The following TNR variants were observed in gnomAD, a reference collection of about 807,000 sequenced individuals.
TNR encodes tenascin-R.
In TNR, 45 loss-of-function variants were observed where a neutral mutation model predicts 150.4. That is an observed-to-expected ratio of 0.30 (90% CI 0.24 to 0.38). The LOEUF (loss-of-function observed/expected upper bound fraction) is 0.38. TNR is among the 10% of genes least tolerant of loss of function. The pLI, the probability that TNR is intolerant of heterozygous loss-of-function variation, is 1.00. For missense variants in TNR, 1,544 were observed against 1,759.1 expected, an observed-to-expected ratio of 0.88 and a Z score of 2.19; for synonymous variants, 687 against 678.4, an observed-to-expected ratio of 1.01 and a Z score of -0.20.
intron 2 of TNR, among the ~76,000 whole-genome samples, chr1:175,461,822 G>A (rs947661457): frequency 1.3e-5 from 2 of 152,020 alleles, no homozygotes; most frequent in Non-Finnish European, 2.9e-5. Flanking sequence ...CTGGGCCTTC[G>A]GTTTGTCCTT....
chr1:175,625,863 C>T (rs151138526), intron 1 of TNR, among the ~76,000 whole-genome samples: 102 of 152,296 alleles, frequency 6.7e-4, no homozygotes, highest in Admixed American at 1.6e-3. Context: ...TGATATCAAA[C>T]CAAACAAGGA....
At chr1:175,407,670 GAGA>G (rs1225741893) in intron 2 of TNR, among the ~76,000 whole-genome samples, 3 of 152,200 alleles carry the variant, frequency 2.0e-5, no homozygotes, top group Admixed American at 6.5e-5. Flanking sequence ...CTATTCGTCG[GAGA>G]AGAAGGTCAC....
At chr1:175,626,629 T>C (rs1664166070) in intron 1 of TNR, among the ~76,000 whole-genome samples, 1 of 152,360 alleles carries the variant, frequency 6.6e-6, no homozygotes, top group Non-Finnish European at 1.5e-5. Flanking sequence ...AAACCGTATA[T>C]GTTTTCTAAT....
intron 7 of TNR, 143 bp from the exon 8 acceptor site, chr1:175,386,444 T>C (rs1447383503): frequency 1.1e-6 from 1 of 926,836 alleles, no homozygotes; most frequent in East Asian, 2.9e-5. Flanking sequence ...ATGAGGAAAA[T>C]GAGACACAGT....
At chr1:175,349,506 A>G (rs1650957329) in intron 18 of TNR, among the ~76,000 whole-genome samples, 2 of 152,244 alleles carry the variant, frequency 1.3e-5, no homozygotes, top group African/African-American at 4.8e-5. Flanking sequence ...TATGTAACCC[A>G]ATACCGCTTA....
intron 18 of TNR, among the ~76,000 whole-genome samples, chr1:175,351,369 T>C (rs1382571311): frequency 6.6e-6 from 1 of 152,166 alleles, no homozygotes; most frequent in Non-Finnish European, 1.5e-5. Flanking sequence ...CTATGTAGCC[T>C]AGTGGAATTT....
At chr1:175,646,894 G>T (rs900891954) in intron 1 of TNR, among the ~76,000 whole-genome samples, 1 of 152,150 alleles carries the variant, frequency 6.6e-6, no homozygotes, top group East Asian at 1.9e-4. Context: ...TCACATTTTG[G>T]GATCCAATAC....
chr1:175,465,653 G>C (rs368365756), intron 2 of TNR, among the ~76,000 whole-genome samples: 2 of 152,288 alleles, frequency 1.3e-5, no homozygotes, highest in Non-Finnish European at 1.5e-5. Flanking sequence ...AAGATGGAAA[G>C]GAAAGGAGGA....
intron 1 of TNR, among the ~76,000 whole-genome samples, chr1:175,710,657 C>T (rs1033113552): frequency 6.6e-6 from 1 of 152,110 alleles, no homozygotes; most frequent in East Asian, 1.9e-4. Flanking sequence ...TCAATCTGTC[C>T]CCCTTTCCTT....
Position 175,367,290 on chromosome 1 carries a change from T to A in TNR, c.1971A>T (p.Val657=). 6.2e-7 allele frequency: 1 copy of A among 1,614,106 alleles called. No homozygotes were observed. Among genetic ancestry groups the A allele is most frequent in the Non-Finnish European group, 8.5e-7 (1 of 1,179,948 alleles). The change falls in exon 10 of 23, where the codon GTA becomes GTT. Residue 657 remains valine (V), a synonymous_variant. Transcript: ENST00000367674. ...PTTRATLTDL[V]PGTEYGVGIS... ...TTCCAACTCCATACTCAGTGCCAGGTACCAGATCTATCAGTGGATGGAGAA... is the reference window on the plus strand; with the variant it reads ...TTCCAACTCCATACTCAGTGCCAGGAACCAGATCTATCAGTGGATGGAGAA...
intron 13 of TNR, 97 bp from the exon 14 acceptor site, chr1:175,362,906 G>A: frequency 6.9e-7 from 1 of 1,442,904 alleles, no homozygotes; most frequent in Non-Finnish European, 9.6e-7. Context: ...ATGGGTGTGG[G>A]ACTCCGCACT....
At chr1:175,439,163 G>C (rs1199160778) in intron 2 of TNR, among the ~76,000 whole-genome samples, 4 of 152,070 alleles carry the variant, frequency 2.6e-5, no homozygotes, top group Non-Finnish European at 5.9e-5. Context: ...CATGGTACTG[G>C]TACCAAAACA....
At chr1:175,324,258 G>A in intron 22 of TNR, 98 bp downstream of exon 22, 1 of 1,282,826 alleles carries the variant, frequency 7.8e-7, no homozygotes, top group African/African-American at 1.5e-5. Context: ...TTTTTAAAGG[G>A]AAATGAAGGA....
intron 2 of TNR, among the ~76,000 whole-genome samples, chr1:175,446,868 T>C (rs1366936511): frequency 6.6e-6 from 1 of 152,164 alleles, no homozygotes; most frequent in Non-Finnish European, 1.5e-5. Flanking sequence ...TGTTCATGTG[T>C]CTGTACATGT....
At chr1:175,683,574 G>A (rs2101912246) in intron 1 of TNR, among the ~76,000 whole-genome samples, 1 of 152,330 alleles carries the variant, frequency 6.6e-6, no homozygotes, top group Non-Finnish European at 1.5e-5. Flanking sequence ...AGGCAGATGT[G>A]CCCTATCTTC....
chr1:175,410,976 G>A (rs978004873), intron 2 of TNR, among the ~76,000 whole-genome samples: 2 of 152,180 alleles, frequency 1.3e-5, no homozygotes, highest in African/African-American at 4.8e-5. Flanking sequence ...AGGTGGAGAA[G>A]GCCAAAGTTC....
chr1:175,703,179 G>A (rs568693418), intron 1 of TNR, among the ~76,000 whole-genome samples: 22 of 152,184 alleles, frequency 1.4e-4, no homozygotes, highest in Admixed American at 2.6e-4. Flanking sequence ...TTCTTATGCT[G>A]GTTAATTGAT....
intron 1 of TNR, among the ~76,000 whole-genome samples, chr1:175,608,460 T>C (rs1180397019): frequency 6.6e-6 from 1 of 152,152 alleles, no homozygotes; most frequent in Non-Finnish European, 1.5e-5. Flanking sequence ...GAGAATAACT[T>C]TTTGACCTTG....
chr1:175,670,947 G>C (rs900864804), intron 1 of TNR, among the ~76,000 whole-genome samples: 5 of 151,580 alleles, frequency 3.3e-5, no homozygotes, highest in African/African-American at 4.9e-5. Context: ...AGTGCTCTGT[G>C]GGGGGTAGGT....
Sources: gnomAD v4.1 joint callset for allele counts (sites outside exome capture counted in the v4.1 genomes callset) on GRCh38, gnomAD v4.1.1 for gene constraint, MANE v1.5 for transcripts, NCBI Gene and HGNC (gene_info 2026-07-23, HGNC 2026-07-21) for gene names.